KIF9: variants seen among roughly 807,000 people sequenced by gnomAD.
The protein encoded by KIF9 is kinesin-like protein KIF9.
A neutral mutation model predicts 94.8 loss-of-function variants in KIF9; 68 were observed. That is an observed-to-expected ratio of 0.72 (90% CI 0.59 to 0.88). The LOEUF is 0.88. KIF9 is among the 40% of genes least tolerant of loss of function. The pLI, the probability that KIF9 is intolerant of heterozygous loss-of-function variation, is 0.00. For missense variants in KIF9, 882 were observed against 982.5 expected, an observed-to-expected ratio of 0.90 and a Z score of 1.37; for synonymous variants, 343 against 362.1, an observed-to-expected ratio of 0.95 and a Z score of 0.60.
chr3:47,281,177 G>A, intron 1 of KIF9: 1 of 626,572 alleles, frequency 1.6e-6, no homozygotes, highest in Non-Finnish European at 2.9e-6. Flanking sequence ...TTCATATGTG[G>A]GTCTATCTTC....
In KIF9 at chr3:47,282,505, G is replaced by A; in HGVS notation, c.-16C>T. 1.0e-6 allele frequency: 1 copy of A among 996,018 alleles called. No homozygotes were observed. The highest frequency in any genetic ancestry group is 1.2e-6 in the Non-Finnish European group (1 of 835,608). The allele number at this position is 996,018 out of a possible 1,614,324, so 61.7% of individuals were successfully genotyped here. ...GCAGCCCCTGCTCACCGTTCACCAG[G>A]CAGCGACGCTCCCGGGACGCGACTG... On this transcript the variant is annotated 5_prime_UTR_variant, in exon 1 of 21. Coordinates refer to ENST00000684063, the MANE Select transcript of KIF9 (RefSeq NM_182902.4).
chr3:47,279,247 C>T (rs1274374440), intron 1 of KIF9, among the ~76,000 whole-genome samples: 1 of 148,866 alleles, frequency 6.7e-6, no homozygotes, highest in Non-Finnish European at 1.5e-5. Flanking sequence ...CTGAGGATGG[C>T]AGATTACCTG....
intron 8 of KIF9, among the ~76,000 whole-genome samples, chr3:47,264,942 G>A (rs1701201212): frequency 6.6e-6 from 1 of 152,232 alleles, no homozygotes. Flanking sequence ...TACGCGAGAA[G>A]GTAGCCATCT....
In KIF9 at chr3:47,240,918, A is replaced by G; in HGVS notation, c.1807T>C (p.Leu603=). ...CTGGCCCTTTTCCTCCGTTCATTCA[A>G]GATGGATTTGTTTTCTTTGAAAATT... ...NRIFKENKSI[L]NERRKRASET... The change falls in exon 17 of 21, where the codon TTG becomes CTG. Residue 603 remains leucine, a synonymous_variant. Coordinates refer to ENST00000684063, the MANE Select transcript of KIF9 (RefSeq NM_182902.4). 6.2e-7 allele frequency: 1 copy of G among 1,614,188 alleles called. No homozygotes were observed. Among genetic ancestry groups the G allele is most frequent in the Non-Finnish European group, 8.5e-7 (1 of 1,180,046 alleles).
rs773584001 is a variant in KIF9, at chr3:47,271,389, CATT to C, written c.436_438del (p.Asn146del). ...GTGGACAGGAGATCAAACAGGCTCT[CATT>C]ATAGATTTCCAAGTAGGAAACACGC... On this transcript the variant is annotated inframe_deletion, in exon 5 of 21. Transcript: ENST00000684063. The C allele has an allele frequency of 3.1e-6, 5 of 1,613,814 alleles. No individual in the cohort carries two copies. The highest frequency in any genetic ancestry group is 1.7e-5 in the Admixed American group (1 of 59,986).
intron 10 of KIF9, among the ~76,000 whole-genome samples, chr3:47,248,900 T>C (rs915334446): frequency 1.3e-5 from 2 of 151,992 alleles, no homozygotes; most frequent in Non-Finnish European, 2.9e-5. Flanking sequence ...CACACTGCCA[T>C]GCCCAGCTAA....
Position 47,271,322 on chromosome 3 carries a change from A to G in KIF9, c.506T>C (p.Val169Ala). ...AATGAAGACTCCTTGAGGGTTTTCC[A>G]CGATGGTCATTGGTGTGACTGAGGG... is the stretch of plus-strand genomic sequence containing the variant. The part of the protein sequence containing the change: ...VGPSVTPMTI[V>A]ENPQGVFIKG... The change falls in exon 5 of 21, where the codon GTG becomes GCG. Residue 169 changes from valine (V) to alanine (A), a missense_variant. Val to Ala is a moderately conservative substitution (Grantham distance 64). Coordinates refer to ENST00000684063, the MANE Select transcript of KIF9 (RefSeq NM_182902.4). 1 of 1,614,072 alleles carries G rather than the reference A, an allele frequency of 6.2e-7. No homozygotes were observed.
chr3:47,243,140 A>T lies in KIF9; in HGVS notation c.1620T>A (p.Asp540Glu), dbSNP rs779881446. 6.2e-7 allele frequency: 1 copy of T among 1,614,060 alleles called. No homozygotes were observed. The highest frequency in any genetic ancestry group is 1.1e-5 in the South Asian group (1 of 91,078). ...TQLVPSSKDG[D>E]VKDMLSRDRE... is the part of the protein sequence containing the mutation. ...GGTCCCGCGAAAGCATGTCTTTGAC[A>T]TCCCCATCTTTGGAGGATGGGACCA... Residue 540 changes from aspartate (D) to glutamate (E), a missense_variant, in exon 16 of 21, where the codon GAT (aspartate) becomes GAA (glutamate). Transcript: ENST00000684063.
At chr3:47,241,424 C>T (rs1357625065) in intron 16 of KIF9, among the ~76,000 whole-genome samples, 2 of 151,514 alleles carry the variant, frequency 1.3e-5, no homozygotes, top group African/African-American at 4.9e-5. Flanking sequence ...TAGGTTCAAG[C>T]GATTCTCCTG....
At chr3:47,240,458 CTTGTAGAGG>C (rs1395349481) in intron 17 of KIF9, among the ~76,000 whole-genome samples, 3 of 152,182 alleles carry the variant, frequency 2.0e-5, no homozygotes, top group African/African-American at 7.2e-5. Context: ...ACCCACGGAC[CTTGTAGAGG>C]TCACCAGCTA....
At chr3:47,232,835 A>G (rs938851324) in intron 20 of KIF9, among the ~76,000 whole-genome samples, 8 of 151,532 alleles carry the variant, frequency 5.3e-5, no homozygotes, top group African/African-American at 2.4e-5. Context: ...ACAAAAAATT[A>G]GCTGGGCGTG....
chr3:47,268,441 G>A (rs954741798), intron 5 of KIF9, among the ~76,000 whole-genome samples: 2 of 152,166 alleles, frequency 1.3e-5, no homozygotes, highest in African/African-American at 4.8e-5. Flanking sequence ...GGGAAGGCCT[G>A]AGGCTGTGGA....
chr3:47,266,033 A>AT (rs1701270661), intron 7 of KIF9, 156 bp from the exon 8 acceptor site: 1 of 693,716 alleles, frequency 1.4e-6, no homozygotes, highest in Non-Finnish European at 2.4e-6. Context: ...ATGCGATTGT[A>AT]TTCCATCTTG....
intron 16 of KIF9, among the ~76,000 whole-genome samples, chr3:47,241,805 A>ATG (rs1699539247): frequency 6.9e-6 from 1 of 143,920 alleles, no homozygotes; most frequent in Non-Finnish European, 1.5e-5. Context: ...ATATGTATAT[A>ATG]TGTATATATG....
intron 5 of KIF9, among the ~76,000 whole-genome samples, chr3:47,269,568 C>T (rs1048264856): frequency 1.3e-5 from 2 of 152,104 alleles, no homozygotes; most frequent in Non-Finnish European, 2.9e-5. Flanking sequence ...AGGCGTGAGC[C>T]ACTGTGCCAG....
chr3:47,282,382 C>T, intron 1 of KIF9, 113 bp downstream of exon 1: 1 of 986,296 alleles, frequency 1.0e-6, no homozygotes, highest in Non-Finnish European at 1.2e-6. Context: ...GATGAGCGAC[C>T]CAGCTGGGAA....
At position 47,247,407 on chromosome 3, in the gene KIF9, C is replaced by T. The variant is rs529965700; in HGVS notation, c.1199G>A (p.Arg400Gln). 1.7e-5 allele frequency: 27 copies of T among 1,613,300 alleles called. No individual in the cohort carries two copies. The African/African-American group carries it at 2.0e-4, about 12-fold the overall frequency. Residue 400 changes from arginine (R) to glutamine (Q), a missense_variant, in exon 12 of 21, where the codon CGG becomes CAG. Transcript: ENST00000684063. ...IQIAEINSQV[R>Q]RYLEGTLDEI... ...GTCCAGTGTCCCCTCCAGGTACCTC[C>T]GCACCTGGGAGTTGATCTCAGCAAT...
chr3:47,261,659 C>T (rs1343304467), intron 9 of KIF9, among the ~76,000 whole-genome samples: 1 of 152,216 alleles, frequency 6.6e-6, no homozygotes, highest in Non-Finnish European at 1.5e-5. Flanking sequence ...TGGCTCAGAG[C>T]TCAGCCACTG....
chr3:47,243,380 A>T (rs928792979), intron 15 of KIF9, 135 bp from the exon 16 acceptor site: 16 of 614,480 alleles, frequency 2.6e-5, no homozygotes, highest in Admixed American at 3.3e-5. Context: ...TCATATGCCT[A>T]GGTAAAAGCG....
Sources: gnomAD v4.1 joint callset for allele counts (sites outside exome capture counted in the v4.1 genomes callset) on GRCh38, gnomAD v4.1.1 for gene constraint, MANE v1.5 for transcripts, NCBI Gene and HGNC (gene_info 2026-07-23, HGNC 2026-07-21) for gene names.